KANK1: variants seen among roughly 807,000 people sequenced by gnomAD.
KANK1 encodes the protein KN motif and ankyrin repeat domain-containing protein 1.
Under a neutral mutation model 106.2 loss-of-function variants are expected in KANK1, and 109 were observed. That is an observed-to-expected ratio of 1.03 (90% CI 0.88 to 1.20). The LOEUF (loss-of-function observed/expected upper bound fraction) is 1.20, where lower values mean the gene tolerates loss of function less well. Among genes scored for constraint, KANK1 ranks in the 50% most tolerant of loss-of-function variants. The pLI is 0.00. For synonymous variants in KANK1, 873 were observed against 652.2 expected (o/e 1.34, Z -5.16); for missense variants, 2,399 against 1,710.7 (o/e 1.40, Z -7.10).
chr9:740,769 CTT>C (rs58169581), intron 8 of KANK1, 21 bp from the exon 9 acceptor site: 14,154 of 1,465,332 alleles, frequency 9.7e-3, no homozygotes, highest in East Asian at 0.025. Flanking sequence ...TCCTAAGAGA[CTT>C]TTTTTTTTTT....
intron 2 of KANK1, among the ~76,000 whole-genome samples, chr9:692,175 G>A (rs1040913828): frequency 6.6e-6 from 1 of 152,168 alleles, no homozygotes; most frequent in African/African-American, 2.4e-5. Context: ...TCATCTTGGT[G>A]CCTGCACATG....
intron 1 of KANK1, among the ~76,000 whole-genome samples, chr9:630,362 A>C (rs1426782312): frequency 1.3e-5 from 2 of 151,168 alleles, no homozygotes; most frequent in South Asian, 4.2e-4. Context: ...CATCCTGGCT[A>C]ACATGGTGAA....
chr9:744,890 G>A lies in KANK1; in HGVS notation c.3997-283G>A, dbSNP rs190480801. 696 of 1,411,076 alleles carry A rather than the reference G, an allele frequency of 4.9e-4. 2 individuals are homozygous for A. In the African/African-American group the frequency reaches 5.2e-3, roughly 11 times the overall value. The allele number at this position is 1,411,076 out of a possible 1,614,324, so 87.4% of individuals were successfully genotyped here. ...GCCCCTGAGCCCATGGGGATATTTC[G>A]CCATGGTTCTGGCATTGTTCCTGAA... is the stretch of plus-strand genomic sequence containing the variant. On this transcript the variant is annotated intron_variant, in intron 11 of 11. Coordinates refer to ENST00000382297, the MANE Select transcript of KANK1 (RefSeq NM_015158.5).
At chr9:595,852 G>T (rs1826085263) in intron 1 of KANK1, among the ~76,000 whole-genome samples, 2 of 151,790 alleles carry the variant, frequency 1.3e-5, no homozygotes, top group South Asian at 4.1e-4. Context: ...ATAGATAGAA[G>T]AATTATTAAT....
chr9:580,946 T>G (rs566602013), intron 1 of KANK1, among the ~76,000 whole-genome samples: 2 of 152,264 alleles, frequency 1.3e-5, no homozygotes, highest in East Asian at 3.9e-4. Flanking sequence ...TGGTGAGAAT[T>G]GGAGCGCAGC....
chr9:737,681 G>C (rs755699589), intron 7 of KANK1, among the ~76,000 whole-genome samples: 26 of 152,268 alleles, frequency 1.7e-4, no homozygotes, highest in Non-Finnish European at 3.1e-4. Flanking sequence ...GTTGTATTTG[G>C]GATTGGGGTG....
intron 2 of KANK1, among the ~76,000 whole-genome samples, chr9:683,830 A>T (rs1157207433): frequency 6.6e-6 from 1 of 152,210 alleles, no homozygotes; most frequent in Non-Finnish European, 1.5e-5. Context: ...ATTTAATTAG[A>T]TTATGCATTT....
chr9:702,986 G>A (rs1379593645), intron 2 of KANK1, among the ~76,000 whole-genome samples: 2 of 151,890 alleles, frequency 1.3e-5, no homozygotes, highest in African/African-American at 4.8e-5. Flanking sequence ...GTGGGGGCGG[G>A]GTTGTTGTTT....
At chr9:595,757 G>A (rs1028227944) in intron 1 of KANK1, among the ~76,000 whole-genome samples, 8 of 151,750 alleles carry the variant, frequency 5.3e-5, no homozygotes, top group African/African-American at 1.5e-4. Context: ...CCTGGACTCA[G>A]GTGATCCTCC....
chr9:522,724 G>C (rs192779821), intron 1 of KANK1, among the ~76,000 whole-genome samples: 5 of 151,672 alleles, frequency 3.3e-5, no homozygotes, highest in Non-Finnish European at 4.4e-5. Context: ...AGTGACTTTG[G>C]TATCTCATAG....
At chr9:630,386 T>C (rs1055463553) in intron 1 of KANK1, among the ~76,000 whole-genome samples, 3 of 151,462 alleles carry the variant, frequency 2.0e-5, no homozygotes, top group Non-Finnish European at 4.4e-5. Context: ...CCATCTCTAC[T>C]AAAAGTTCAA....
At chr9:489,345 A>G (rs560213998) in intron 3 of KANK1, among the ~76,000 whole-genome samples, 2 of 152,156 alleles carry the variant, frequency 1.3e-5, no homozygotes, top group Non-Finnish European at 2.9e-5. Context: ...ACAATCTCCA[A>G]GGTCCCTTCA....
chr9:731,282 G>A lies in KANK1; in HGVS notation c.3005+16G>A, dbSNP rs769015930. On this transcript the variant is annotated intron_variant, in intron 5 of 11. Coordinates refer to ENST00000382297, the MANE Select transcript of KANK1 (RefSeq NM_015158.5). ...TTAATGGAGGGTAAGGAAAGATGGT[G>A]GTTCTAGAGGCTAATGCTGTCAGTC... 1 of 1,447,552 alleles carries A rather than the reference G, an allele frequency of 6.9e-7. No homozygotes were observed. The highest frequency in any genetic ancestry group is 9.7e-7 in the Non-Finnish European group (1 of 1,031,202). 89.7% of individuals were successfully genotyped at this position (1,447,552 alleles called of 1,614,324 possible).
chr9:614,085 T>C (rs1053977226), intron 1 of KANK1, among the ~76,000 whole-genome samples: 6 of 152,320 alleles, frequency 3.9e-5, no homozygotes, highest in East Asian at 1.9e-4. Flanking sequence ...TGCTCAGTTC[T>C]TGGTCATGCC....
intron 1 of KANK1, among the ~76,000 whole-genome samples, chr9:552,110 A>G (rs2061321152): frequency 1.3e-5 from 2 of 152,194 alleles, no homozygotes; most frequent in African/African-American, 4.8e-5. Context: ...CTAGGCAAGT[A>G]CGGCATTCTT....
intron 3 of KANK1, among the ~76,000 whole-genome samples, chr9:720,974 G>C (rs1829158816): frequency 1.3e-5 from 2 of 152,176 alleles, no homozygotes; most frequent in African/African-American, 4.8e-5. Flanking sequence ...AATTTCAGTA[G>C]TCAGCTTTTA....
chr9:690,204 A>G (rs183878758), intron 2 of KANK1, among the ~76,000 whole-genome samples: 453 of 148,996 alleles, frequency 3.0e-3, no homozygotes, highest in Middle Eastern at 0.011. Flanking sequence ...TATTTAGGAG[A>G]CTGAGGCAGG....
chr9:619,859 G>A (rs1832723737), intron 1 of KANK1, among the ~76,000 whole-genome samples: 1 of 152,048 alleles, frequency 6.6e-6, no homozygotes, highest in African/African-American at 2.4e-5. Context: ...CGTTGTGGCT[G>A]GGTGCAGTGA....
At chr9:651,293 T>G (rs1177519928) in intron 1 of KANK1, among the ~76,000 whole-genome samples, 1 of 152,200 alleles carries the variant, frequency 6.6e-6, no homozygotes, top group East Asian at 1.9e-4. Context: ...TTTGTTCTCT[T>G]CCTTTTAAGA....
Sources: gnomAD v4.1 joint callset for allele counts (sites outside exome capture counted in the v4.1 genomes callset) on GRCh38, gnomAD v4.1.1 for gene constraint, MANE v1.5 for transcripts, NCBI Gene and HGNC (gene_info 2026-07-23, HGNC 2026-07-21) for gene names.